SYN3: variants seen among roughly 807,000 people sequenced by gnomAD.
SYN3 encodes the protein synapsin III.
In SYN3, 35 loss-of-function variants were observed where a neutral mutation model predicts 65.8. The observed-to-expected ratio is 0.53, with a 90% confidence interval of 0.41 to 0.70. The LOEUF is 0.70. Among genes scored for constraint, SYN3 ranks in the 30% least tolerant of loss-of-function variants. The pLI is 0.00. For missense variants in SYN3, 680 were observed against 749.0 expected, an observed-to-expected ratio of 0.91 and a Z score of 1.08; for synonymous variants, 270 against 292.9, an observed-to-expected ratio of 0.92 and a Z score of 0.80.
intron 12 of SYN3, among the ~76,000 whole-genome samples, chr22:32,520,465 A>T (rs555074245): frequency 6.6e-6 from 1 of 152,112 alleles, no homozygotes; most frequent in East Asian, 1.9e-4. Flanking sequence ...TGAGACCCAG[A>T]TATATTGTGA....
chr22:32,773,768 GCAGTGAAGTATTA>G (rs1254718006), intron 6 of SYN3, among the ~76,000 whole-genome samples: 12 of 152,162 alleles, frequency 7.9e-5, no homozygotes, highest in African/African-American at 2.9e-4. Flanking sequence ...ACACACTGAT[GCAGTGAAGTATTA>G]CAGGGCCTGC....
chr22:32,595,279 T>C (rs905616469), intron 7 of SYN3, among the ~76,000 whole-genome samples: 1 of 152,176 alleles, frequency 6.6e-6, no homozygotes, highest in Admixed American at 6.5e-5. Flanking sequence ...GTTGGGTGGC[T>C]CACAGCCATT....
At chr22:32,849,105 G>T (rs1362172761) in intron 6 of SYN3, among the ~76,000 whole-genome samples, 4 of 152,152 alleles carry the variant, frequency 2.6e-5, no homozygotes, top group South Asian at 2.1e-4. Context: ...AAGGGAGGGG[G>T]GACAATGGCT....
At chr22:32,580,501 A>C (rs2058923913) in intron 7 of SYN3, among the ~76,000 whole-genome samples, 1 of 152,132 alleles carries the variant, frequency 6.6e-6, no homozygotes. Flanking sequence ...ACTATATCAC[A>C]GTTGTGTATG....
At chr22:32,926,327 C>G (rs1026651290) in intron 4 of SYN3, among the ~76,000 whole-genome samples, 1 of 152,212 alleles carries the variant, frequency 6.6e-6, no homozygotes, top group Non-Finnish European at 1.5e-5. Context: ...TGAAGAAGTA[C>G]ATGAAAGTAT....
intron 7 of SYN3, among the ~76,000 whole-genome samples, chr22:32,543,476 T>A (rs1386302461): frequency 1.3e-5 from 2 of 152,182 alleles, no homozygotes; most frequent in Non-Finnish European, 2.9e-5. Flanking sequence ...TTCTTGGCTC[T>A]CTGAGTGATG....
chr22:32,915,595 G>A (rs1263562011), intron 4 of SYN3, among the ~76,000 whole-genome samples: 2 of 152,210 alleles, frequency 1.3e-5, no homozygotes, highest in Non-Finnish European at 2.9e-5. Context: ...AAGCTTTCCA[G>A]TTGAGGGAAT....
intron 3 of SYN3, among the ~76,000 whole-genome samples, chr22:32,977,523 A>T (rs184159249): frequency 2.0e-5 from 3 of 152,094 alleles, no homozygotes; most frequent in Non-Finnish European, 4.4e-5. Context: ...AGGCGGGTGG[A>T]TCACGAGGTC....
intron 6 of SYN3, among the ~76,000 whole-genome samples, chr22:32,821,670 A>G (rs1445671685): frequency 6.6e-6 from 1 of 151,682 alleles, no homozygotes; most frequent in Non-Finnish European, 1.5e-5. Flanking sequence ...CCAATATCTC[A>G]CAGCAGGTGG....
intron 1 of SYN3, among the ~76,000 whole-genome samples, chr22:33,012,651 C>A (rs1020393572): frequency 1.3e-5 from 2 of 152,252 alleles, no homozygotes; most frequent in African/African-American, 4.8e-5. Flanking sequence ...GAGAGACAGA[C>A]AGAACCATCA....
At chr22:32,601,766 C>G (rs2059287300) in intron 6 of SYN3, among the ~76,000 whole-genome samples, 1 of 152,128 alleles carries the variant, frequency 6.6e-6, no homozygotes, top group African/African-American at 2.4e-5. Context: ...CAGGATAGTT[C>G]TGGAACCGGG....
intron 4 of SYN3, among the ~76,000 whole-genome samples, chr22:32,901,341 A>C (rs2049753927): frequency 6.6e-6 from 1 of 152,212 alleles, no homozygotes; most frequent in African/African-American, 2.4e-5. Flanking sequence ...CAGTTTCCTC[A>C]CTGGGACATG....
At chr22:32,752,793 T>C (rs1270500246) in intron 6 of SYN3, among the ~76,000 whole-genome samples, 1 of 152,030 alleles carries the variant, frequency 6.6e-6, no homozygotes. Context: ...GCAGAGATGG[T>C]GGGGCAAGGC....
intron 8 of SYN3, among the ~76,000 whole-genome samples, chr22:32,540,151 G>A (rs1391939022): frequency 1.3e-5 from 2 of 152,186 alleles, no homozygotes; most frequent in Non-Finnish European, 2.9e-5. Flanking sequence ...GATATAGCCC[G>A]TCAAGCCTAA....
intron 2 of SYN3, among the ~76,000 whole-genome samples, chr22:32,983,540 T>G (rs1004630785): frequency 7.9e-5 from 12 of 152,204 alleles, no homozygotes; most frequent in African/African-American, 2.7e-4. Context: ...TCTTACGTCC[T>G]GATGGGCTTA....
chr22:32,948,189 G>T (rs2051171141), intron 3 of SYN3, among the ~76,000 whole-genome samples: 1 of 152,198 alleles, frequency 6.6e-6, no homozygotes, highest in South Asian at 2.1e-4. Context: ...GTTTGATGGG[G>T]TCTAGTTGGA....
At chr22:32,596,078 A>G (rs902754161) in intron 7 of SYN3, among the ~76,000 whole-genome samples, 2 of 152,062 alleles carry the variant, frequency 1.3e-5, no homozygotes, top group African/African-American at 2.4e-5. Context: ...CTCTGTCTCA[A>G]AAACAAAATA....
At chr22:32,571,212 C>A (rs1409832074) in intron 7 of SYN3, among the ~76,000 whole-genome samples, 1 of 151,852 alleles carries the variant, frequency 6.6e-6, no homozygotes, top group Non-Finnish European at 1.5e-5. Flanking sequence ...CCCAGAGCAT[C>A]CCCCCTCCCC....
intron 7 of SYN3, among the ~76,000 whole-genome samples, chr22:32,544,723 G>A (rs2058311466): frequency 6.6e-6 from 1 of 152,202 alleles, no homozygotes; most frequent in African/African-American, 2.4e-5. Context: ...CCAGTATTCA[G>A]GGTCAGGTGG....
Sources: gnomAD v4.1 joint callset for allele counts (sites outside exome capture counted in the v4.1 genomes callset) on GRCh38, gnomAD v4.1.1 for gene constraint, MANE v1.5 for transcripts, NCBI Gene and HGNC (gene_info 2026-07-23, HGNC 2026-07-21) for gene names.